The following NAV2 variants were observed in gnomAD, a reference collection of about 807,000 sequenced individuals.
NAV2 encodes helicase, APC down-regulated 1.
In NAV2, 54 loss-of-function variants were observed where a neutral mutation model predicts 223.2. The observed-to-expected ratio is 0.24, with a 90% confidence interval of 0.19 to 0.30. NAV2 has a LOEUF of 0.30. Among genes scored for constraint, NAV2 ranks in the 10% least tolerant of loss-of-function variants. The pLI is 1.00. For synonymous variants in NAV2, 1,279 were observed against 1,239.3 expected, an observed-to-expected ratio of 1.03 and a Z score of -0.67; for missense variants, 2,806 against 3,147.5, an observed-to-expected ratio of 0.89 and a Z score of 2.60.
chr11:19,443,801 G>C (rs1338573682), intron 1 of NAV2, among the ~76,000 whole-genome samples: 1 of 152,104 alleles, frequency 6.6e-6, no homozygotes, highest in Non-Finnish European at 1.5e-5. Context: ...CTGTAAAATA[G>C]GCATAATAAC....
In NAV2 at chr11:19,892,477, G is replaced by T; in HGVS notation, c.814G>T (p.Ala272Ser). Residue 272 changes from alanine (A) to serine (S), a missense_variant, in exon 6 of 38, where the codon GCC (alanine) becomes TCC (serine). Physicochemically the swap from Ala to Ser is moderately conservative, Grantham distance 99. This residue lies in a region of NAV2 where 1,167 missense variants were observed against 1,180.5 expected (regional missense o/e 0.99). Coordinates refer to ENST00000349880, the MANE Select transcript of NAV2 (RefSeq NM_145117.5). The part of the protein sequence containing the change: ...TARVSAAGSE[A>S]KTRGGSTTAN... ...GAGGGTATCCGCTGCAGGCAGCGAGGCCAAAACACGCGGAGGGTCAACTAC... is the reference window on the plus strand; with the variant it reads ...GAGGGTATCCGCTGCAGGCAGCGAGTCCAAAACACGCGGAGGGTCAACTAC... 7 of 1,614,094 alleles carry T rather than the reference G, an allele frequency of 4.3e-6. No homozygotes were observed. Among genetic ancestry groups the T allele is most frequent in the Non-Finnish European group, 5.9e-6 (7 of 1,179,992 alleles).
intron 17 of NAV2, 140 bp downstream of exon 17, chr11:20,051,473 G>A (rs1000405269): frequency 2.5e-5 from 19 of 763,780 alleles, no homozygotes; most frequent in South Asian, 7.2e-5. Context: ...TTTGGATGAC[G>A]GCTCCCCTTG....
chr11:19,537,125 A>G (rs1289640351), intron 1 of NAV2, among the ~76,000 whole-genome samples: 1 of 152,174 alleles, frequency 6.6e-6, no homozygotes, highest in African/African-American at 2.4e-5. Flanking sequence ...GGATCTAACA[A>G]TTCTTCACTT....
intron 1 of NAV2, among the ~76,000 whole-genome samples, chr11:19,718,945 AC>A (rs1236710010): frequency 6.6e-6 from 1 of 152,224 alleles, no homozygotes; most frequent in Non-Finnish European, 1.5e-5. Context: ...TGGAGGAGTT[AC>A]GGCCCAAATT....
intron 1 of NAV2, among the ~76,000 whole-genome samples, chr11:19,439,279 G>A (rs901352667): frequency 6.6e-6 from 1 of 152,152 alleles, no homozygotes; most frequent in Admixed American, 6.5e-5. Flanking sequence ...CTAAGTGGCA[G>A]TGATACACAC....
chr11:19,415,526 T>C (rs1354387350), intron 1 of NAV2, among the ~76,000 whole-genome samples: 2 of 151,310 alleles, frequency 1.3e-5, no homozygotes, highest in African/African-American at 2.4e-5. Context: ...CAAAGAGGAG[T>C]TGGTACCATT....
At chr11:19,621,269 G>T (rs2046985880) in intron 1 of NAV2, among the ~76,000 whole-genome samples, 1 of 152,046 alleles carries the variant, frequency 6.6e-6, no homozygotes. Flanking sequence ...GATGACACTG[G>T]CCTCATAATT....
Position 19,528,749 on chromosome 11 carries a change from G to T in NAV2, c.75+177722G>T, listed in dbSNP as rs376646513. On this transcript the variant is annotated intron_variant, in intron 1 of 37. Coordinates refer to the NAV2 transcript ENST00000360655. ...GATCGAAACCATCCTGGCCAATATG[G>T]TGAAACCCTGTCTCTACTAAAAATA... is the stretch of plus-strand genomic sequence containing the variant. Among the ~76,000 whole-genome samples, 4 of 152,148 alleles carry T rather than the reference G, an allele frequency of 2.6e-5. No individual in the cohort carries two copies. The South Asian group carries it at 8.3e-4, about 32-fold the overall frequency.
intron 1 of NAV2, among the ~76,000 whole-genome samples, chr11:19,383,115 C>A (rs1276784757): frequency 6.6e-6 from 1 of 152,200 alleles, no homozygotes; most frequent in Non-Finnish European, 1.5e-5. Flanking sequence ...TGCCTTCAAT[C>A]CTGTGACAGA....
Position 19,487,212 on chromosome 11 carries a change from A to G in NAV2, c.75+136185A>G, listed in dbSNP as rs151197827. Among the ~76,000 whole-genome samples the G allele has an allele frequency of 5.0e-4, 76 of 152,320 alleles. 1 individual carries two copies. Among genetic ancestry groups the G allele is most frequent in the African/African-American group, 1.7e-3 (72 of 41,562 alleles). ...AGTAGAACTGACTTAACAATTTTAG[A>G]ATGTAAAGACTCATCACTTGCAAGG... is the stretch of plus-strand genomic sequence containing the variant. On this transcript the variant is annotated intron_variant, in intron 1 of 37. Coordinates refer to the NAV2 transcript ENST00000360655.
At chr11:19,526,675 C>G (rs1173566529) in intron 1 of NAV2, among the ~76,000 whole-genome samples, 9 of 152,008 alleles carry the variant, frequency 5.9e-5, no homozygotes, top group Admixed American at 5.9e-4. Context: ...TCTCAGAGTC[C>G]CCAGGATGGC....
intron 1 of NAV2, among the ~76,000 whole-genome samples, chr11:19,475,976 T>C (rs564948485): frequency 4.6e-5 from 7 of 152,282 alleles, no homozygotes; most frequent in East Asian, 3.9e-4. Flanking sequence ...CTTAAGAGCA[T>C]GCCATTCTTT....
chr11:19,473,298 A>G (rs962361871), intron 1 of NAV2, among the ~76,000 whole-genome samples: 1 of 150,840 alleles, frequency 6.6e-6, no homozygotes, highest in African/African-American at 2.4e-5. Context: ...CAGGCTTTAG[A>G]TGGTACAGAT....
chr11:19,846,854 A>C (rs1266730190), intron 3 of NAV2, among the ~76,000 whole-genome samples: 1 of 152,156 alleles, frequency 6.6e-6, no homozygotes, highest in Admixed American at 6.5e-5. Flanking sequence ...TCCTGGAGCA[A>C]GCCCAGCCTT....
chr11:19,910,583 G>T (rs1303229705), intron 6 of NAV2, among the ~76,000 whole-genome samples: 1 of 152,234 alleles, frequency 6.6e-6, no homozygotes, highest in African/African-American at 2.4e-5. Flanking sequence ...AACTAGCCAG[G>T]CGCGGTGGCT....
chr11:20,094,023 G>A (rs977778793), intron 29 of NAV2, among the ~76,000 whole-genome samples: 5 of 152,092 alleles, frequency 3.3e-5, no homozygotes, highest in East Asian at 1.9e-4. Flanking sequence ...AGAACAAAGC[G>A]TCTGCAGCCA....
At position 19,831,239 on chromosome 11, in the gene NAV2, G is replaced by A. The variant is rs113800725; in HGVS notation, c.268-1245G>A. 1.2e-4 allele frequency among the ~76,000 whole-genome samples: 5 copies of A among 40,392 alleles called. 1 individual carries two copies. The highest frequency in any genetic ancestry group is 7.6e-4 in the Admixed American group (3 of 3,946). 26.5% of individuals were successfully genotyped at this position (40,392 alleles called of 152,430 possible). ...GGAGTGTTGCGGGGGGGGGGGGGGC[G>A]CGATGGGGAGTGGGGGGGGATGACC... On this transcript the variant is annotated intron_variant, in intron 1 of 37. Coordinates refer to ENST00000349880, the MANE Select transcript of NAV2 (RefSeq NM_145117.5).
At chr11:19,478,632 AAGGAGAT>A (rs1341009013) in intron 1 of NAV2, among the ~76,000 whole-genome samples, 1 of 152,264 alleles carries the variant, frequency 6.6e-6, no homozygotes. Flanking sequence ...TAAGTGCAAC[AAGGAGAT>A]AGTGCCCAAT....
At chr11:19,898,163 G>A (rs2042154317) in intron 6 of NAV2, among the ~76,000 whole-genome samples, 1 of 151,914 alleles carries the variant, frequency 6.6e-6, no homozygotes, top group Non-Finnish European at 1.5e-5. Flanking sequence ...TGACTTACAT[G>A]CATATAGAAG....
Sources: gnomAD v4.1 joint callset for allele counts (sites outside exome capture counted in the v4.1 genomes callset) on GRCh38, gnomAD v4.1.1 for gene constraint, gnomAD v4.1.1 regional missense constraint, MANE v1.5 for transcripts, NCBI Gene and HGNC (gene_info 2026-07-23, HGNC 2026-07-21) for gene names.